The following SEMA3G variants were observed in gnomAD, a reference collection of about 807,000 sequenced individuals.
SEMA3G encodes semaphorin-3G.
In SEMA3G, 70 loss-of-function variants were observed where a neutral mutation model predicts 86.2. The observed-to-expected ratio is 0.81, with a 90% CI of 0.67 to 0.99. The LOEUF is 0.99. SEMA3G is among the 50% of genes least tolerant of loss of function. The probability of loss-of-function intolerance (pLI) is 0.00; values close to 1 mark genes in which losing one functional copy is unlikely to be tolerated. For missense variants in SEMA3G, 1,002 were observed against 1,072.4 expected (o/e 0.93, Z 0.92); for synonymous variants, 416 against 441.4 (o/e 0.94, Z 0.72).
At chr3:52,440,185 G>T (rs2153229648) in intron 10 of SEMA3G, 87 bp from the exon 11 acceptor site, 1 of 1,274,180 alleles carries the variant, frequency 7.8e-7, no homozygotes, top group East Asian at 2.5e-5. Flanking sequence ...CCAACCAGGG[G>T]GACCTCTCTC....
chr3:52,442,845 C>T lies in SEMA3G; in HGVS notation c.178G>A (p.Ala60Thr), dbSNP rs763984528. The stretch of plus-strand genomic sequence containing the variant: ...TCTCGGTACTCATCTAGGTACATGG[C>T]CTGGAGGTTCAGGGAGCCCTGGGGG... ...LGPQGSLNLQ[A>T]MYLDEYRDRL... Residue 60 changes from alanine (A) to threonine (T), a missense_variant, in exon 2 of 16, where the codon GCC becomes ACC. Transcript: ENST00000231721. This position sits in a 1 kb window ranked among gnomAD's most constrained non-coding sequence, Gnocchi z 6.1. The T allele has an allele frequency of 1.1e-5, 17 of 1,611,670 alleles. No individual in the cohort carries two copies. Among genetic ancestry groups the T allele is most frequent in the Non-Finnish European group, 1.1e-5 (13 of 1,179,058 alleles).
In SEMA3G at chr3:52,442,065, C is replaced by T. The variant is rs1458206187; in HGVS notation, c.459+120G>A. On this transcript the variant is annotated intron_variant, in intron 4 of 15. Coordinates refer to ENST00000231721, the MANE Select transcript of SEMA3G (RefSeq NM_020163.3). This position sits in a 1 kb window ranked among gnomAD's most constrained non-coding sequence, Gnocchi z 6.1. The stretch of plus-strand genomic sequence containing the variant: ...CTCTAATGGGGTCAGCTCCCCAACA[C>T]AAAGGCGCCTTTCAGGCCCCTGCCC... 1 of 1,425,006 alleles carries T rather than the reference C, an allele frequency of 7.0e-7. No individual in the cohort carries two copies. Among genetic ancestry groups the T allele is most frequent in the Non-Finnish European group, 9.4e-7 (1 of 1,059,674 alleles). 88.3% of individuals were successfully genotyped at this position (1,425,006 alleles called of 1,614,324 possible). A position where few individuals can be genotyped will look rare whatever the true frequency, so the allele number is the denominator to read the frequency against.
rs1289079178 is a variant in SEMA3G at position 52,435,856 on chromosome 3, G to C, written c.2096C>G (p.Ala699Gly). The change falls in exon 16 of 16, where the codon GCT (alanine) becomes GGT (glycine). Residue 699 changes from alanine to glycine, a missense_variant. Coordinates refer to ENST00000231721, the MANE Select transcript of SEMA3G (RefSeq NM_020163.3). ...PEEPPARGGL[A>G]STPPKAWYKD... ...GTACCAGGCCTTGGGTGGGGTGGAA[G>C]CCAGGCCTCCCCGGGCTGGGGGCTC... The C allele has an allele frequency of 2.5e-6, 4 of 1,614,110 alleles. No homozygotes were observed. In the South Asian group the frequency reaches 4.4e-5, roughly 18 times the overall value.
chr3:52,437,967 T>G lies in SEMA3G; in HGVS notation c.1738+4A>C, dbSNP rs1477059717. 1 of 1,611,066 alleles carries G rather than the reference T, an allele frequency of 6.2e-7. No homozygotes were observed. Among genetic ancestry groups the G allele is most frequent in the Non-Finnish European group, 8.5e-7 (1 of 1,179,332 alleles). ...TCTGGGCCCTCCCACCTGCCACCACTCACCTTCCTGGCTCTGGCCCAGGCA... is the reference window on the plus strand; with the variant it reads ...TCTGGGCCCTCCCACCTGCCACCACGCACCTTCCTGGCTCTGGCCCAGGCA... On this transcript the variant is annotated splice_donor_region_variant and intron_variant, in intron 14 of 15. Transcript: ENST00000231721.
At chr3:52,438,242 C>T (rs372271345) in intron 13 of SEMA3G, 43 bp from the exon 14 acceptor site, 39 of 1,545,922 alleles carry the variant, frequency 2.5e-5, no homozygotes, top group Middle Eastern at 1.8e-4. Context: ...GCCCAGGCTT[C>T]GCCCACACGC....
Position 52,437,589 on chromosome 3 carries a change from T to C in SEMA3G, c.1816A>G (p.Lys606Glu), listed in dbSNP as rs1166727183. The C allele has an allele frequency of 6.2e-7, 1 of 1,613,020 alleles. No individual in the cohort carries two copies. Among genetic ancestry groups the C allele is most frequent in the Non-Finnish European group, 8.5e-7 (1 of 1,179,976 alleles). The change falls in exon 15 of 16, where the codon AAG becomes GAG. Residue 606 changes from lysine (K) to glutamate (E), a missense_variant. By Grantham distance (56) the Lys-to-Glu change is moderately conservative (BLOSUM62 1). Transcript: ENST00000231721. Reference sequence around the variant, plus strand: ...CAGCGCACAGCAGCCTGGGGAGACTTGGGCAGGCACTCCAGGAAGGTGCTA... The same window carrying C: ...CAGCGCACAGCAGCCTGGGGAGACTCGGGCAGGCACTCCAGGAAGGTGCTA... ...HNSTFLECLP[K>E]SPQAAVRWLL...
At chr3:52,439,031 T>C (rs1706098558) in intron 12 of SEMA3G, 70 bp from the exon 13 acceptor site, 2 of 1,547,548 alleles carry the variant, frequency 1.3e-6, no homozygotes, top group African/African-American at 2.7e-5. Context: ...CTGCTTTCAG[T>C]CTCCTCCAAC....
Position 52,434,030 on chromosome 3 carries a change from AGGG to A in SEMA3G, c.*1570_*1572del. 1 of 152,276 alleles carries A rather than the reference AGGG, an allele frequency of 6.6e-6. No homozygotes were observed. Among genetic ancestry groups the A allele is most frequent in the East Asian group, 1.9e-4 (1 of 5,178 alleles). The allele number at this position is 152,276 out of a possible 1,614,324, so 9.4% of individuals were successfully genotyped here. A position where few individuals can be genotyped will look rare whatever the true frequency, so the allele number is the denominator to read the frequency against. ...CAGTTCTCTGGAGGTGCCAGGGGTA[AGGG>A]AAAGATAAAACCCAAGGCAGTCTGG... is the stretch of plus-strand genomic sequence containing the variant. On this transcript the variant is annotated 3_prime_UTR_variant, in exon 16 of 16. Coordinates refer to ENST00000231721, the MANE Select transcript of SEMA3G (RefSeq NM_020163.3). This position sits in a 1 kb window ranked among gnomAD's most constrained non-coding sequence, Gnocchi z 5.2.
At position 52,441,909 on chromosome 3, in the gene SEMA3G, G is replaced by C. The variant is rs1208010885; in HGVS notation, c.460C>G (p.His154Asp). The change falls in exon 5 of 16, where the codon CAT becomes GAT. Residue 154 changes from histidine (H) to aspartate (D), a missense_variant and splice_region_variant. Coordinates refer to ENST00000231721, the MANE Select transcript of SEMA3G (RefSeq NM_020163.3). The part of the protein sequence containing the change: ...ALITVGHRGE[H>D]VLHLEPGSVE... ...CTGCCAGGCTCCAGGTGGAGCACAT[G>C]CTAGTGGGAGGGAGAGAGGGAGGGA... 3.2e-6 allele frequency: 5 copies of C among 1,562,144 alleles called. No homozygotes were observed. The East Asian group carries it at 9.3e-5, about 29-fold the overall frequency.
rs568454276 is a variant in SEMA3G at position 52,440,737 on chromosome 3, G to A, written c.998+17C>T. 1.9e-6 allele frequency: 3 copies of A among 1,607,746 alleles called. No individual in the cohort carries two copies. The highest frequency in any genetic ancestry group is 3.4e-5 in the Admixed American group (2 of 59,588). On this transcript the variant is annotated intron_variant, in intron 9 of 15. Coordinates refer to ENST00000231721, the MANE Select transcript of SEMA3G (RefSeq NM_020163.3). ...GACAGGGGCCCATCGCAAGGCCGGG[G>A]TGCTGGGTGTGCCCACCTGACGGTG...
intron 9 of SEMA3G, 60 bp downstream of exon 9, chr3:52,440,694 C>A: frequency 1.3e-6 from 2 of 1,533,594 alleles, no homozygotes; most frequent in South Asian, 2.4e-5. Flanking sequence ...AGTCACAGGT[C>A]ACCGAATCAG....
In SEMA3G at chr3:52,440,789, C is replaced by T. The variant is rs1330284596; in HGVS notation, c.963G>A (p.Lys321=). ...DVFLLWPKAG[K]SLEVYALFST... Reference sequence around the variant, plus strand: ...TGAACAGCGCGTACACCTCGAGGCTCTTCCCGGCCTTGGGCCACAGCAGGA... The same window carrying T: ...TGAACAGCGCGTACACCTCGAGGCTTTTCCCGGCCTTGGGCCACAGCAGGA... The change falls in exon 9 of 16, where the codon AAG becomes AAA. Residue 321 remains lysine, a synonymous_variant. Coordinates refer to ENST00000231721, the MANE Select transcript of SEMA3G (RefSeq NM_020163.3). 6.2e-7 allele frequency: 1 copy of T among 1,613,074 alleles called. No individual in the cohort carries two copies. The highest frequency in any genetic ancestry group is 8.5e-7 in the Non-Finnish European group (1 of 1,180,018).
chr3:52,438,736 C>T (rs1021954170), intron 13 of SEMA3G, 184 bp downstream of exon 13: 15 of 985,356 alleles, frequency 1.5e-5, no homozygotes, highest in Non-Finnish European at 1.8e-5. Context: ...TGGACATGGC[C>T]CCACTTACTC....
At chr3:52,439,610 G>T (rs1466053507) in intron 12 of SEMA3G, 70 bp downstream of exon 12, 3 of 1,309,800 alleles carry the variant, frequency 2.3e-6, no homozygotes, top group Non-Finnish European at 3.3e-6. Context: ...GCTTGCTCCT[G>T]CATCCCTGTA....
chr3:52,440,200 C>A, intron 10 of SEMA3G, 102 bp from the exon 11 acceptor site: 1 of 1,215,718 alleles, frequency 8.2e-7, no homozygotes, highest in South Asian at 1.6e-5. Flanking sequence ...TCTCTCACTG[C>A]AGGAGGGCTC....
Position 52,440,525 on chromosome 3 carries a change from C to A in SEMA3G, c.999-4G>T. The A allele has an allele frequency of 1.9e-6, 3 of 1,606,236 alleles. No homozygotes were observed. The highest frequency in any genetic ancestry group is 2.7e-5 in the African/African-American group (2 of 74,804). On this transcript the variant is annotated splice_polypyrimidine_tract_variant and splice_region_variant and intron_variant, in intron 9 of 15. Coordinates refer to ENST00000231721, the MANE Select transcript of SEMA3G (RefSeq NM_020163.3). ...GGCGAAGCCCTGGAACACGGCACTG[C>A]CGGGGCACATGGGACAGTCAGGCCA...
rs1043504602 is a variant in SEMA3G at position 52,434,566 on chromosome 3, C to T, written c.*1037G>A. On this transcript the variant is annotated 3_prime_UTR_variant, in exon 16 of 16. Coordinates refer to ENST00000231721, the MANE Select transcript of SEMA3G (RefSeq NM_020163.3). The surrounding 1 kb of genome is among the most constrained non-coding windows in gnomAD (Gnocchi z 5.2). ...CAATCTATCCTAAGGGTCTCCTGCC[C>T]TCTATCCATCTCCATATCCTCTCAA... The T allele has an allele frequency of 6.6e-6, 1 of 152,198 alleles. No homozygotes were observed. The highest frequency in any genetic ancestry group is 1.5e-5 in the Non-Finnish European group (1 of 68,050). The allele number at this position is 152,198 out of a possible 1,614,324, so 9.4% of individuals were successfully genotyped here.
chr3:52,439,041 C>T (rs1706098783), intron 12 of SEMA3G, 80 bp from the exon 13 acceptor site: 10 of 1,504,738 alleles, frequency 6.6e-6, no homozygotes, highest in Non-Finnish European at 8.2e-6. Context: ...TCTCCTCCAA[C>T]CCTGGGGTGG....
At position 52,437,945 on chromosome 3, in the gene SEMA3G, G is replaced by A. The variant is rs113803596; in HGVS notation, c.1738+26C>T. On this transcript the variant is annotated intron_variant, in intron 14 of 15. Transcript: ENST00000231721. ...ACAGGGGTGAGTTCCAGCCCAGTCT[G>A]GGCCCTCCCACCTGCCACCACTCAC... is the stretch of plus-strand genomic sequence containing the variant. The A allele has an allele frequency of 2.5e-3, 3,928 of 1,594,594 alleles. 83 individuals are homozygous for A. The African/African-American group carries it at 0.045, about 18-fold the overall frequency.
Sources: allele counts gnomAD v4.1 joint callset, GRCh38; gene constraint gnomAD v4.1.1; non-coding constraint Gnocchi (gnomAD v3.1); transcripts MANE v1.5; gene names NCBI Gene and HGNC (gene_info 2026-07-23, HGNC 2026-07-21).